The following TTN variants were observed in gnomAD, a reference collection of about 807,000 sequenced individuals.
The protein encoded by TTN is titin.
Under a neutral mutation model 3,223.0 loss-of-function variants are expected in TTN, and 1,525 were observed. The ratio of observed to expected loss-of-function variants is 0.47; its 90% confidence interval spans 0.45 to 0.49. The LOEUF (loss-of-function observed/expected upper bound fraction) is 0.49. Among genes scored for constraint, TTN ranks in the 20% least tolerant of loss-of-function variants. TTN has a pLI of 0.00. For synonymous variants in TTN, 14,094 were observed against 15,161.0 expected (o/e 0.93, Z 5.17); for missense variants, 40,786 against 43,424.0 (o/e 0.94, Z 5.40).
chr2:178,677,698 A>G lies in TTN; in HGVS notation c.34214T>C (p.Val11405Ala), dbSNP rs764585210. Residue 11405 changes from valine (V) to alanine (A), a missense_variant, in exon 146 of 363, where the codon GTA (valine) becomes GCA (alanine). Coordinates refer to ENST00000589042, the MANE Select transcript of TTN (RefSeq NM_001267550.2). ...EEEVPPEEEY[V>A]PEEEEFVPEE... Reference sequence around the variant, plus strand: ...AGGTACAAATTCTTCTTCCTCAGGTACATATTCTTCTTCGGGAGGAACTTC... The same window carrying G: ...AGGTACAAATTCTTCTTCCTCAGGTGCATATTCTTCTTCGGGAGGAACTTC... 2 of 1,612,810 alleles carry G rather than the reference A, an allele frequency of 1.2e-6. No individual in the cohort carries two copies. The highest frequency in any genetic ancestry group is 2.2e-5 in the South Asian group (2 of 91,036).
chr2:178,711,351 T>C lies in TTN; in HGVS notation c.27887-2A>G. Reference sequence around the variant, plus strand: ...AAAATGATGGTGGAAGTTTTTGCTCTGTAGGAACAGAATAAAAGTAACAAA... The same window carrying C: ...AAAATGATGGTGGAAGTTTTTGCTCCGTAGGAACAGAATAAAAGTAACAAA... On this transcript the variant is annotated splice_acceptor_variant, in intron 96 of 362. Transcript: ENST00000589042. LOFTEE classifies it high-confidence loss of function. The C allele has an allele frequency of 4.4e-6, 7 of 1,594,864 alleles. No individual in the cohort carries two copies. The highest frequency in any genetic ancestry group is 6.0e-6 in the Non-Finnish European group (7 of 1,170,186).
chr2:178,613,992 C>T (rs1231892926), intron 262 of TTN, 55 bp from the exon 263 acceptor site: 1 of 1,608,796 alleles, frequency 6.2e-7, no homozygotes, highest in African/African-American at 1.3e-5. Context: ...AAATATGACA[C>T]CAAAATGCAA....
Position 178,790,743 on chromosome 2 carries a change from T to A in TTN, c.1765A>T (p.Thr589Ser), listed in dbSNP as rs781493169. The A allele has an allele frequency of 6.2e-7, 1 of 1,614,192 alleles. No individual in the cohort carries two copies. Among genetic ancestry groups the A allele is most frequent in the Non-Finnish European group, 8.5e-7 (1 of 1,180,012 alleles). Residue 589 changes from threonine (T) to serine (S), a missense_variant, in exon 11 of 363, where the codon ACA becomes TCA. Physicochemically the swap from Thr to Ser is moderately conservative, Grantham distance 58. Transcript: ENST00000589042. ...CTTAGGTGCATTTGATCTTGTTGTG[T>A]GGTAGTTTCTTCTTGAGCTCCCGGG... ...TVPGAQEETT[T>S]QQDQMHLSYE...
Position 178,696,136 on chromosome 2 carries a change from G to A in TTN, c.30936C>T (p.Val10312=). The stretch of plus-strand genomic sequence containing the variant: ...AAGGTTCTTCGAAAGATTCAATGAA[G>A]ACTCTCTTCTCCTTGTGGACTGCTT... ...KKQAVHKEKR[V]FIESFEEPYD... is the part of the protein sequence containing the mutation. Residue 10312 remains valine, a synonymous_variant, in exon 114 of 363, where the codon GTC becomes GTT. Transcript: ENST00000589042. 1 of 1,552,714 alleles carries A rather than the reference G, an allele frequency of 6.4e-7. No homozygotes were observed.
rs1220326083 is a variant in TTN, at chr2:178,527,113, T to C, written c.107875A>G (p.Met35959Val). Residue 35959 changes from methionine to valine, a missense_variant, in exon 363 of 363, where the codon ATG becomes GTG. By Grantham distance (21) the Met-to-Val change is conservative. Coordinates refer to ENST00000589042, the MANE Select transcript of TTN (RefSeq NM_001267550.2). ...CCACCATCTTGTTTCTGTACGTCCA[T>C]GATGATCAGGGTTGTCAGGTCATCT... ...NTDDLTTLII[M>V]DVQKQDGGLY... 5 of 1,613,998 alleles carry C rather than the reference T, an allele frequency of 3.1e-6. No individual in the cohort carries two copies. Among genetic ancestry groups the C allele is most frequent in the Non-Finnish European group, 4.2e-6 (5 of 1,179,866 alleles).
chr2:178,592,321 A>T, intron 301 of TTN, 44 bp from the exon 302 acceptor site: 1 of 1,600,138 alleles, frequency 6.2e-7, no homozygotes, highest in Non-Finnish European at 8.5e-7. Context: ...TTTTATCCAT[A>T]TAAGAGCTCA....
chr2:178,764,028 A>C (rs371800344), intron 43 of TTN, 149 bp downstream of exon 43: 1 of 1,171,668 alleles, frequency 8.5e-7, no homozygotes, highest in Non-Finnish European at 1.2e-6. Context: ...TTCTTAATTT[A>C]ATAATTGAAA....
intron 236 of TTN, 57 bp from the exon 237 acceptor site, chr2:178,631,357 C>G (rs1447833067): frequency 1.3e-6 from 2 of 1,516,096 alleles, no homozygotes; most frequent in Non-Finnish European, 1.8e-6. Context: ...AAATGACAAT[C>G]TCTTGGAAAG....
intron 69 of TTN, chr2:178,726,851 A>G (rs778374538): frequency 2.8e-5 from 10 of 360,436 alleles, no homozygotes; most frequent in Non-Finnish European, 3.9e-5. Flanking sequence ...ATGTTTGGCA[A>G]ATGTGTTGAG....
Position 178,713,144 on chromosome 2 carries a change from G to A in TTN, c.26990C>T (p.Thr8997Ile), listed in dbSNP as rs1259415133. 6.2e-7 allele frequency: 1 copy of A among 1,613,680 alleles called. No individual in the cohort carries two copies. Among genetic ancestry groups the A allele is most frequent in the Non-Finnish European group, 8.5e-7 (1 of 1,179,776 alleles). ...ACCAGCCATATTAGTAGCTATACAT[G>A]TGTAGTCACCACTGTCTGATTCTTC... is the stretch of plus-strand genomic sequence containing the variant. ...MLEESDSGDY[T>I]CIATNMAGSD... is the part of the protein sequence containing the mutation. The change falls in exon 93 of 363, where the codon ACA (threonine) becomes ATA (isoleucine). Residue 8997 changes from threonine to isoleucine, a missense_variant. Thr to Ile is a moderately conservative substitution (Grantham distance 89, BLOSUM62 -1). Transcript: ENST00000589042.
chr2:178,771,425 G>T lies in TTN; in HGVS notation c.7902C>A (p.Ser2634=), dbSNP rs1553997365. 1 of 1,613,928 alleles carries T rather than the reference G, an allele frequency of 6.2e-7. No individual in the cohort carries two copies. Among genetic ancestry groups the T allele is most frequent in the South Asian group, 1.1e-5 (1 of 91,078 alleles). ...CTTCACATTCAAACACAGCTTCCTGGGATTCAGCTACGGTCTGATCTGTGA... is the reference window on the plus strand; with the variant it reads ...CTTCACATTCAAACACAGCTTCCTGTGATTCAGCTACGGTCTGATCTGTGA... ...KPLTDQTVAE[S]QEAVFECEVA... is the part of the protein sequence containing the mutation. Residue 2634 remains serine, a synonymous_variant, in exon 34 of 363, where the codon TCC becomes TCA. Coordinates refer to ENST00000589042, the MANE Select transcript of TTN (RefSeq NM_001267550.2).
rs730880244 is a variant in TTN, at chr2:178,635,717, T to G, written c.41609-2A>C. ...TCACCAGCCAATCTCTAATGACTTC[T>G]ATATGAAAATAAGATCAGAAAAAAT... is the stretch of plus-strand genomic sequence containing the variant. On this transcript the variant is annotated splice_acceptor_variant, in intron 226 of 362. Transcript: ENST00000589042. LOFTEE classifies it high-confidence loss of function. 2 of 1,589,474 alleles carry G rather than the reference T, an allele frequency of 1.3e-6. No individual in the cohort carries two copies. The highest frequency in any genetic ancestry group is 1.7e-6 in the Non-Finnish European group (2 of 1,169,574).
chr2:178,694,111 G>A, intron 117 of TTN, 103 bp from the exon 118 acceptor site: 1 of 804,674 alleles, frequency 1.2e-6, no homozygotes, highest in South Asian at 2.0e-5. Flanking sequence ...AGAATGAGTG[G>A]GTTAATATGG....
chr2:178,547,356 G>A, intron 339 of TTN, 51 bp from the exon 340 acceptor site: 1 of 1,572,714 alleles, frequency 6.4e-7, no homozygotes, highest in Non-Finnish European at 8.6e-7. Context: ...TAAAATTCAG[G>A]GGAAACATTT....
intron 137 of TTN, 54 bp from the exon 138 acceptor site, chr2:178,681,225 G>A: frequency 1.3e-6 from 2 of 1,503,972 alleles, no homozygotes; most frequent in Non-Finnish European, 1.8e-6. Flanking sequence ...TGAATACTAT[G>A]TAATAAATAC....
chr2:178,740,006 G>A lies in TTN; in HGVS notation c.13227C>T (p.Ser4409=), dbSNP rs571473566. 1.4e-5 allele frequency: 23 copies of A among 1,613,806 alleles called. No homozygotes were observed. In the African/African-American group the frequency reaches 2.1e-4, roughly 15 times the overall value. ...ACTCAGAGAAAAGACCTGGCTGCTC[G>A]CTGGCCACGGCTGCTTGCAAAGCCC... ...ICRALQAAVA[S]EQPGLFSEWL... The change falls in exon 48 of 363, where the codon AGC becomes AGT. Residue 4409 remains serine (S), a synonymous_variant. Coordinates refer to ENST00000589042, the MANE Select transcript of TTN (RefSeq NM_001267550.2).
chr2:178,684,023 T>C lies in TTN; in HGVS notation c.32782A>G (p.Arg10928Gly). 1.2e-6 allele frequency: 2 copies of C among 1,611,576 alleles called. No individual in the cohort carries two copies. The highest frequency in any genetic ancestry group is 2.2e-5 in the East Asian group (1 of 44,838). ...EEKVLKLKPK[R>G]EEEPPAKVTE... ...CCTTTAGCTGGTGGTTCCTCCTCTC[T>C]TTTAGGTTTGAGTTTCAGAACTTTT... The change falls in exon 133 of 363, where the codon AGA becomes GGA. Residue 10928 changes from arginine to glycine, a missense_variant. Transcript: ENST00000589042.
rs1268100717 is a variant in TTN at position 178,679,987 on chromosome 2, C to T, written c.33487G>A (p.Glu11163Lys). 4 of 1,613,224 alleles carry T rather than the reference C, an allele frequency of 2.5e-6. No homozygotes were observed. Among genetic ancestry groups the T allele is most frequent in the Non-Finnish European group, 3.4e-6 (4 of 1,179,452 alleles). Residue 11163 changes from glutamate (E) to lysine (K), a missense_variant, in exon 140 of 363, where the codon GAA (glutamate) becomes AAA (lysine). Transcript: ENST00000589042. ...TCTTCTTCTTCTACAAGATATTCTT[C>T]TACATGGGTTACAACTTCCTCTTCA... ...AFEEEVVTHV[E>K]EYLVEEEEEY...
intron 47 of TTN, among the ~76,000 whole-genome samples, chr2:178,743,854 G>C (rs1027970643): frequency 6.6e-6 from 1 of 151,964 alleles, no homozygotes; most frequent in Non-Finnish European, 1.5e-5. Flanking sequence ...GATATTGTGT[G>C]CTCACTGGTT....
Sources: gnomAD v4.1 joint callset for allele counts (sites outside exome capture counted in the v4.1 genomes callset) on GRCh38, gnomAD v4.1.1 for gene constraint, MANE v1.5 for transcripts, NCBI Gene and HGNC (gene_info 2026-07-23, HGNC 2026-07-21) for gene names.